COLEC10: variants seen among roughly 807,000 people sequenced by gnomAD.
The protein encoded by COLEC10 is collectin subfamily member 10.
COLEC10 carries 22 observed loss-of-function variants against 28.4 expected under a neutral mutation model. That is an observed-to-expected ratio of 0.78 (90% CI 0.55 to 1.11). The LOEUF (loss-of-function observed/expected upper bound fraction) is 1.11, where lower values mean the gene tolerates loss of function less well. COLEC10 is among the 50% of genes least tolerant of loss of function. The pLI is 0.00. For missense variants in COLEC10, 361 were observed against 344.1 expected (o/e 1.05, Z -0.39); for synonymous variants, 125 against 116.1 (o/e 1.08, Z -0.49).
chr8:119,055,075 G>A (rs2130184687), intron 2 of COLEC10, among the ~76,000 whole-genome samples: 1 of 152,152 alleles, frequency 6.6e-6, no homozygotes, highest in African/African-American at 2.4e-5. Flanking sequence ...ATGCTTTTCA[G>A]TAGAGTTGAA....
At chr8:118,996,274 C>G (rs772156257) in intron 1 of COLEC10, among the ~76,000 whole-genome samples, 19 of 152,166 alleles carry the variant, frequency 1.2e-4, no homozygotes, top group Non-Finnish European at 2.8e-4. Flanking sequence ...ATTCACACAA[C>G]CATGATAGAG....
intron 1 of COLEC10, among the ~76,000 whole-genome samples, chr8:119,084,112 C>T (rs1226027471): frequency 6.6e-6 from 1 of 152,152 alleles, no homozygotes; most frequent in Non-Finnish European, 1.5e-5. Flanking sequence ...CATCACAAAG[C>T]TATTAAAGTG....
At chr8:119,003,429 T>C (rs554055814) in intron 1 of COLEC10, among the ~76,000 whole-genome samples, 3 of 152,264 alleles carry the variant, frequency 2.0e-5, no homozygotes, top group South Asian at 4.1e-4. Context: ...GATGGACATC[T>C]ATTTTTGATG....
intron 2 of COLEC10, among the ~76,000 whole-genome samples, chr8:119,060,684 A>G (rs529878441): frequency 7.9e-5 from 12 of 152,268 alleles, no homozygotes; most frequent in Admixed American, 3.9e-4. Flanking sequence ...AATAAATCTT[A>G]CAGTTTAAAA....
At chr8:118,956,471 T>C in the COLEC10 span, among the ~76,000 whole-genome samples, 1 of 152,128 alleles carries the variant, frequency 6.6e-6, no homozygotes, top group African/African-American at 2.4e-5. Flanking sequence ...AAAAATGACC[T>C]CAGCAGTCCA....
At chr8:118,983,919 A>T in the COLEC10 span, among the ~76,000 whole-genome samples, 1 of 152,206 alleles carries the variant, frequency 6.6e-6, no homozygotes, top group Admixed American at 6.5e-5. Flanking sequence ...TGTGGAAAGC[A>T]GTTTGATGAT....
chr8:119,032,430 T>C (rs1268728078), intron 2 of COLEC10, among the ~76,000 whole-genome samples: 1 of 152,118 alleles, frequency 6.6e-6, no homozygotes, highest in Non-Finnish European at 1.5e-5. Flanking sequence ...AGGAAAACAG[T>C]CACCCAATCA....
intron 2 of COLEC10, among the ~76,000 whole-genome samples, chr8:119,027,161 A>C (rs867200682): frequency 6.6e-6 from 1 of 152,192 alleles, no homozygotes; most frequent in African/African-American, 2.4e-5. Flanking sequence ...AATGTCTATC[A>C]TATAGTAAGT....
At chr8:119,037,873 T>C (rs559933517) in intron 2 of COLEC10, among the ~76,000 whole-genome samples, 2 of 152,240 alleles carry the variant, frequency 1.3e-5, no homozygotes, top group Non-Finnish European at 2.9e-5. Context: ...TTCCATCTAA[T>C]TGTACTTTTT....
intron 1 of COLEC10, among the ~76,000 whole-genome samples, chr8:119,085,403 A>T (rs1815454044): frequency 6.6e-6 from 1 of 152,070 alleles, no homozygotes; most frequent in African/African-American, 2.4e-5. Flanking sequence ...TCATGTATGT[A>T]AGAGGTATGG....
Position 119,048,307 on chromosome 8 carries a change from C to T in COLEC10, n.235+38754C>T, listed in dbSNP as rs554531333. Among the ~76,000 whole-genome samples, 15 of 152,254 alleles carry T rather than the reference C, an allele frequency of 9.9e-5. No individual in the cohort carries two copies. The South Asian group carries it at 2.7e-3, about 27-fold the overall frequency. On this transcript the variant is annotated intron_variant and non_coding_transcript_variant, in intron 2 of 6. Transcript: ENST00000521788. ...TAATCTACAGCTCCATCCATGTTGC[C>T]GCACAGGACATAATTTTATTCTTTT...
At chr8:119,033,490 C>G (rs1188038398) in intron 2 of COLEC10, among the ~76,000 whole-genome samples, 1 of 152,098 alleles carries the variant, frequency 6.6e-6, no homozygotes, top group Non-Finnish European at 1.5e-5. Context: ...ATTTTGCAAT[C>G]TATCCATCTG....
chr8:119,076,622 T>A (rs1406045913), intron 1 of COLEC10, among the ~76,000 whole-genome samples: 2 of 152,226 alleles, frequency 1.3e-5, no homozygotes, highest in Non-Finnish European at 2.9e-5. Context: ...AGCTTATAGA[T>A]TTTGAAGGTC....
intron 1 of COLEC10, among the ~76,000 whole-genome samples, chr8:119,007,222 C>G (rs568419890): frequency 6.6e-6 from 1 of 152,204 alleles, no homozygotes; most frequent in Admixed American, 6.5e-5. Flanking sequence ...TATAGCCTGG[C>G]ATACCATAAC....
the COLEC10 span, among the ~76,000 whole-genome samples, chr8:118,975,661 G>A: frequency 1.3e-5 from 2 of 151,886 alleles, no homozygotes; most frequent in East Asian, 1.9e-4. Flanking sequence ...TATTAATCTT[G>A]CCTTCTCTCT....
chr8:119,003,487 T>A (rs1478832595), intron 1 of COLEC10, among the ~76,000 whole-genome samples: 1 of 152,074 alleles, frequency 6.6e-6, no homozygotes, highest in Non-Finnish European at 1.5e-5. Context: ...ACAAAATGAT[T>A]TCAGCATAAA....
At chr8:119,076,947 T>C (rs1815251173) in intron 1 of COLEC10, among the ~76,000 whole-genome samples, 1 of 152,198 alleles carries the variant, frequency 6.6e-6, no homozygotes. Context: ...GAAATGTGCG[T>C]GGGTTGGGGG....
At chr8:119,062,900 T>G (rs1295268941), upstream of COLEC10, 1 of 152,232 alleles carries the variant, frequency 6.6e-6, no homozygotes, top group Non-Finnish European at 1.5e-5. Flanking sequence ...ATTTTCATTT[T>G]TTACAAACTG....
intron 1 of COLEC10, among the ~76,000 whole-genome samples, chr8:119,007,328 C>G (rs557908372): frequency 2.6e-5 from 4 of 152,154 alleles, no homozygotes; most frequent in South Asian, 4.1e-4. Context: ...CTGTAGTTGT[C>G]TCATTTTATT....
Sources: allele counts gnomAD v4.1 joint callset (sites outside exome capture counted in the v4.1 genomes callset), GRCh38; gene constraint gnomAD v4.1.1; transcripts MANE v1.5; gene names NCBI Gene and HGNC (gene_info 2026-07-23, HGNC 2026-07-21).